MGAM: variants seen among roughly 807,000 people sequenced by gnomAD.
The protein encoded by MGAM is maltase-glucoamylase.
MGAM carries 253 observed loss-of-function variants against 358.8 expected under a neutral mutation model. The observed-to-expected ratio is 0.71, with a 90% CI of 0.64 to 0.78. MGAM has a LOEUF of 0.78. MGAM is among the 30% of genes least tolerant of loss of function. MGAM has a pLI of 0.00. For missense variants in MGAM, 3,080 were observed against 3,432.6 expected (o/e 0.90, Z 2.57); for synonymous variants, 1,105 against 1,227.1 (o/e 0.90, Z 2.08).
intron 21 of MGAM, among the ~76,000 whole-genome samples, chr7:142,045,681 T>A (rs183509850): frequency 2.4e-4 from 23 of 95,366 alleles, no homozygotes; most frequent in African/African-American, 1.4e-3. Context: ...ATATAATATA[T>A]ATTATATACA....
At chr7:142,040,276 A>AT in intron 20 of MGAM, 105 bp downstream of exon 20, 3 of 927,340 alleles carry the variant, frequency 3.2e-6, no homozygotes, top group Non-Finnish European at 5.1e-6. Flanking sequence ...GCTGAGGAGT[A>AT]GTTTTTAGTG....
At chr7:142,095,177 C>T (rs143266249) in intron 63 of MGAM, among the ~76,000 whole-genome samples, 2 of 152,084 alleles carry the variant, frequency 1.3e-5, no homozygotes, top group Non-Finnish European at 2.9e-5. Context: ...ATTTCCCAAG[C>T]TTGTCTCGAA....
Position 142,086,299 on chromosome 7 carries a change from C to A in MGAM, c.6718C>A (p.Pro2240Thr), listed in dbSNP as rs761323369. 2.3e-5 allele frequency: 36 copies of A among 1,539,312 alleles called. 3 individuals carry two copies. In the South Asian group the frequency reaches 3.9e-4, roughly 17 times the overall value. Residue 2240 changes from proline (P) to threonine (T), a missense_variant, in exon 56 of 71, where the codon CCA becomes ACA. Coordinates refer to ENST00000475668, the MANE Select transcript of MGAM (RefSeq NM_001365693.1). ...GVEDDVFIKY[P>T]NDGDIVWGKV... ...GGAGGATGACGTCTTCATCAAGTACCCAAATGATGGAGACATTGTCTGGGG... is the reference window on the plus strand; with the variant it reads ...GGAGGATGACGTCTTCATCAAGTACACAAATGATGGAGACATTGTCTGGGG...
rs59988277 is a variant in MGAM at position 142,088,798 on chromosome 7, T to A, written c.6810+2081T>A. 1.7e-5 allele frequency among the ~76,000 whole-genome samples: 2 copies of A among 119,134 alleles called. 1 individual carries two copies. The highest frequency in any genetic ancestry group is 3.8e-5 in the Non-Finnish European group (2 of 52,724). 78.2% of individuals were successfully genotyped at this position (119,134 alleles called of 152,430 possible). On this transcript the variant is annotated intron_variant, in intron 57 of 70. Coordinates refer to ENST00000475668, the MANE Select transcript of MGAM (RefSeq NM_001365693.1). Reference sequence around the variant, plus strand: ...CTATCTATCTATCTATCTATCTATCTATCATTCTATCCTATCTATGTACCA... The same window carrying A: ...CTATCTATCTATCTATCTATCTATCAATCATTCTATCCTATCTATGTACCA...
chr7:142,073,893 G>A (rs1318765083), intron 44 of MGAM, among the ~76,000 whole-genome samples, 192 bp from the exon 45 acceptor site: 2 of 146,224 alleles, frequency 1.4e-5, no homozygotes. Flanking sequence ...AATGTTTGGG[G>A]TGTTTCTATC....
chr7:142,058,930 GTTCCATTAGTGGAATGTAGTGT>G (rs1811824065), intron 31 of MGAM, among the ~76,000 whole-genome samples: 1 of 152,190 alleles, frequency 6.6e-6, no homozygotes, highest in South Asian at 2.1e-4. Context: ...GTTTACAGTT[GTTCCATTAGTGGAATGTAGTGT>G]TTCCATTAGT....
chr7:142,065,972 T>TGTTTTGTTTTG (rs35944134), intron 40 of MGAM, 141 bp downstream of exon 40: 1 of 784,166 alleles, frequency 1.3e-6, no homozygotes, highest in African/African-American at 1.8e-5. Context: ...TGTTTTGTTT[T>TGTTTTGTTTTG]TTTTTTTGAA....
rs1193552980 is a variant in MGAM at position 142,085,005 on chromosome 7, A to T, written c.6507+361A>T. On this transcript the variant is annotated intron_variant, in intron 54 of 70. Coordinates refer to ENST00000475668, the MANE Select transcript of MGAM (RefSeq NM_001365693.1). The stretch of plus-strand genomic sequence containing the variant: ...ACAGTTCTTTTACTTAATTCCTGAA[A>T]AAAACTAACCCCAAACCATCAGACC... Among the ~76,000 whole-genome samples the T allele has an allele frequency of 1.4e-5, 2 of 146,726 alleles. 1 individual carries two copies. Among genetic ancestry groups the T allele is most frequent in the Non-Finnish European group, 3.1e-5 (2 of 64,724 alleles).
At position 142,094,367 on chromosome 7, in the gene MGAM, C is replaced by T. The variant is rs762206538; in HGVS notation, c.7176C>T (p.Ala2392=). 212 of 1,521,816 alleles carry T rather than the reference C, an allele frequency of 1.4e-4. 38 individuals carry two copies. The highest frequency in any genetic ancestry group is 3.0e-4 in the Admixed American group (16 of 54,064). The allele number at this position is 1,521,816 out of a possible 1,614,324, so 94.3% of individuals were successfully genotyped here. A position where few individuals can be genotyped will look rare whatever the true frequency, so the allele number is the denominator to read the frequency against. The change falls in exon 61 of 71, where the codon GCC becomes GCT. Residue 2392 remains alanine (A), a synonymous_variant. Transcript: ENST00000475668. ...GWSQTRPTYE[A]VQEVTGQRGV... is the part of the protein sequence containing the mutation. ...CCTCCTTTTCCCCTCCAACCAGAGC[C>T]GTGCAGGAGGTGACAGGACAGCGAG...
intron 3 of MGAM, among the ~76,000 whole-genome samples, chr7:142,012,486 G>A (rs1805673000): frequency 6.6e-6 from 1 of 152,074 alleles, no homozygotes; most frequent in Admixed American, 6.6e-5. Flanking sequence ...GGCAACACGT[G>A]AATTTTGGAG....
At position 142,058,472 on chromosome 7, in the gene MGAM, A is replaced by G. The variant is rs759491918; in HGVS notation, c.3819+144A>G. ...ATCACAGTTAGCCTCACCCCAGCAC[A>G]GTAATATAGGTAAGGGCACTTGTTT... On this transcript the variant is annotated intron_variant, in intron 31 of 70. Transcript: ENST00000475668. 3.2e-4 allele frequency: 452 copies of G among 1,414,156 alleles called. 4 individuals are homozygous for G. Among genetic ancestry groups the G allele is most frequent in the Non-Finnish European group, 7.4e-5 (78 of 1,054,732 alleles). The allele number at this position is 1,414,156 out of a possible 1,614,324, so 87.6% of individuals were successfully genotyped here.
rs1403308892 is a variant in MGAM, at chr7:142,057,284, G to GTGGTGT, written c.3693+348_3693+353dup. Among the ~76,000 whole-genome samples the GTGGTGT allele has an allele frequency of 1.7e-4, 26 of 151,538 alleles. No individual in the cohort carries two copies. In the South Asian group the frequency reaches 5.3e-3, roughly 31 times the overall value. ...GGTGATAATGATGGTGGTGGTAGTA[G>GTGGTGT]TGGTGTTGGTGATGGTGATGATAGT... On this transcript the variant is annotated intron_variant, in intron 30 of 70. Coordinates refer to ENST00000475668, the MANE Select transcript of MGAM (RefSeq NM_001365693.1).
At chr7:142,084,008 GGCA>G (rs1256424055) in intron 53 of MGAM, among the ~76,000 whole-genome samples, 1 of 145,654 alleles carries the variant, frequency 6.9e-6, no homozygotes, top group Non-Finnish European at 1.6e-5. Context: ...TGGTTGTTGT[GGCA>G]GCAGCAGCAA....
intron 29 of MGAM, among the ~76,000 whole-genome samples, chr7:142,056,374 G>C (rs762964961): frequency 6.6e-6 from 1 of 152,200 alleles, no homozygotes; most frequent in African/African-American, 2.4e-5. Context: ...GTGAGAGCCA[G>C]TTATATAATT....
intron 67 of MGAM, 57 bp downstream of exon 67, chr7:142,099,794 T>C: frequency 1.0e-5 from 16 of 1,591,596 alleles, no homozygotes; most frequent in Non-Finnish European, 1.3e-5. Context: ...CAATTTGTAA[T>C]GAAGTCCACC....
At chr7:142,075,170 C>A (rs1396714999) in intron 45 of MGAM, among the ~76,000 whole-genome samples, 1 of 146,432 alleles carries the variant, frequency 6.8e-6, no homozygotes, top group Non-Finnish European at 1.5e-5. Flanking sequence ...TTGCGAATGG[C>A]AGAATATTCT....
chr7:142,071,983 T>C (rs1268318090), intron 44 of MGAM, among the ~76,000 whole-genome samples: 1 of 146,316 alleles, frequency 6.8e-6, no homozygotes, highest in Admixed American at 6.9e-5. Flanking sequence ...CCTCTCTTAC[T>C]GCTTTAATTT....
At chr7:142,080,011 T>A (rs1814108430) in intron 49 of MGAM, among the ~76,000 whole-genome samples, 1 of 146,542 alleles carries the variant, frequency 6.8e-6, no homozygotes, top group South Asian at 2.2e-4. Context: ...ATTTGCCTCT[T>A]TCTGGCCCAC....
At chr7:142,045,155 G>T (rs1162743850) in intron 21 of MGAM, among the ~76,000 whole-genome samples, 1 of 61,512 alleles carries the variant, frequency 1.6e-5, no homozygotes, top group Non-Finnish European at 3.3e-5. Context: ...TCATATATGT[G>T]ATATATAATA....
Sources: allele counts gnomAD v4.1 joint callset (sites outside exome capture counted in the v4.1 genomes callset), GRCh38; gene constraint gnomAD v4.1.1; transcripts MANE v1.5; gene names NCBI Gene and HGNC (gene_info 2026-07-23, HGNC 2026-07-21).